THAP9: variants seen among roughly 807,000 people sequenced by gnomAD.
THAP9 encodes the protein DNA transposase THAP9.
In THAP9, 20 loss-of-function variants were observed where a neutral mutation model predicts 35.7. The ratio of observed to expected loss-of-function variants is 0.56; its 90% CI spans 0.39 to 0.81. THAP9 has a LOEUF of 0.81. Among genes scored for constraint, THAP9 ranks in the 40% least tolerant of loss-of-function variants. The pLI is 0.00. For missense variants in THAP9, 870 were observed against 1,047.4 expected, an observed-to-expected ratio of 0.83 and a Z score of 2.34; for synonymous variants, 335 against 373.7, an observed-to-expected ratio of 0.90 and a Z score of 1.19.
At position 82,918,264 on chromosome 4, in the gene THAP9, G is replaced by A; in HGVS notation, c.2052G>A (p.Lys684=). Reference sequence around the variant, plus strand: ...GTCAGTATGGTGTCAGCGTTACAAAGACTGTCTTTCACGAAGAGGGTATTT... The same window carrying A: ...GTCAGTATGGTGTCAGCGTTACAAAAACTGTCTTTCACGAAGAGGGTATTT... ...VQRQYGVSVT[K]TVFHEEGICQ... The change falls in exon 5 of 5, where the codon AAG becomes AAA. Residue 684 remains lysine, a synonymous_variant. Coordinates refer to ENST00000302236, the MANE Select transcript of THAP9 (RefSeq NM_024672.6). 1 of 1,614,178 alleles carries A rather than the reference G, an allele frequency of 6.2e-7. No individual in the cohort carries two copies. The highest frequency in any genetic ancestry group is 8.5e-7 in the Non-Finnish European group (1 of 1,180,002).
chr4:82,915,606 A>G (rs1278931881), intron 4 of THAP9, among the ~76,000 whole-genome samples: 1 of 152,102 alleles, frequency 6.6e-6, no homozygotes, highest in Non-Finnish European at 1.5e-5. Flanking sequence ...TTAGTGGGTC[A>G]TAATTGCCAT....
chr4:82,901,975 G>T lies in THAP9; in HGVS notation c.80+1093G>T, dbSNP rs761890533. Among the ~76,000 whole-genome samples the T allele has an allele frequency of 2.0e-5, 3 of 151,990 alleles. No homozygotes were observed. In the South Asian group the frequency reaches 6.2e-4, roughly 32 times the overall value. Reference sequence around the variant, plus strand: ...TTGTAGAATTTTGTAAAACTAAAACGTAAGACTTTATAGCATATGTAACGC... The same window carrying T: ...TTGTAGAATTTTGTAAAACTAAAACTTAAGACTTTATAGCATATGTAACGC... On this transcript the variant is annotated intron_variant, in intron 1 of 4. Transcript: ENST00000302236.
intron 3 of THAP9, among the ~76,000 whole-genome samples, chr4:82,907,108 A>G (rs535737120): frequency 5.3e-5 from 8 of 152,312 alleles, no homozygotes; most frequent in African/African-American, 1.7e-4. Flanking sequence ...AGAGTAGACT[A>G]TAAACCCATG....
chr4:82,913,203 T>A (rs1720924209), intron 4 of THAP9: 1 of 152,194 alleles, frequency 6.6e-6, no homozygotes, highest in Non-Finnish European at 1.5e-5. Flanking sequence ...ATAAAAACTT[T>A]AAAAAATAAA....
rs1720644404 is a variant in THAP9 at position 82,906,337 on chromosome 4, TA to T, written c.291del (p.His98IlefsTer11). 1 of 1,592,320 alleles carries T rather than the reference TA, an allele frequency of 6.3e-7. No homozygotes were observed. Among genetic ancestry groups the T allele is most frequent in the Admixed American group, 1.8e-5 (1 of 56,222 alleles). On this transcript the variant is annotated frameshift_variant, in exon 3 of 5. Coordinates refer to ENST00000302236, the MANE Select transcript of THAP9 (RefSeq NM_024672.6). LOFTEE classifies it high-confidence loss of function. ...SVSLYKIPQGVHLKGKARQKI... is the reference protein window; with the variant it reads ...SVSLYKIPQGXHLKGKARQKI... ...TATCTGTCATAGATTCCTCAAGGTG[TA>T]CATCTTAAAGGTAAAGCAAGACAAA...
chr4:82,914,064 T>C (rs1247367042), intron 4 of THAP9, among the ~76,000 whole-genome samples: 1 of 152,206 alleles, frequency 6.6e-6, no homozygotes, highest in Non-Finnish European at 1.5e-5. Flanking sequence ...CTCCCACTTA[T>C]AATTGAGAAC....
In THAP9 at chr4:82,917,069, TCAAG is replaced by T. The variant is rs779333217; in HGVS notation, c.861_864del (p.Lys287AsnfsTer37). 22 of 1,613,538 alleles carry T rather than the reference TCAAG, an allele frequency of 1.4e-5. No homozygotes were observed. In the East Asian group the frequency reaches 4.2e-4, roughly 31 times the overall value. ...TCATTGTTAATAAAAAGTATGCCTC[TCAAG>T]CAACAGCTTCAGTGGGATCCTAGCA... On this transcript the variant is annotated frameshift_variant, in exon 5 of 5. Transcript: ENST00000302236. LOFTEE classifies it low-confidence loss of function (END_TRUNC).
chr4:82,917,430 T>C lies in THAP9; in HGVS notation c.1218T>C (p.Ser406=). ...KCTFQHPSSS[S]QQIAYFFDSC... ...CATTTCAGCATCCTTCATCTTCTAG[T>C]CAACAGATTGCATACTTCTTTGACT... The change falls in exon 5 of 5, where the codon AGT becomes AGC. Residue 406 remains serine (S), a synonymous_variant. Coordinates refer to ENST00000302236, the MANE Select transcript of THAP9 (RefSeq NM_024672.6). The C allele has an allele frequency of 1.2e-6, 2 of 1,614,092 alleles. No homozygotes were observed. Among genetic ancestry groups the C allele is most frequent in the Non-Finnish European group, 8.5e-7 (1 of 1,179,996 alleles).
chr4:82,907,783 A>C lies in THAP9; in HGVS notation c.581-2A>C. On this transcript the variant is annotated splice_acceptor_variant, in intron 3 of 4. Transcript: ENST00000302236. LOFTEE classifies it high-confidence loss of function. ...AAAGAATAAAAAAATTTATTTTAAC[A>C]GATTTTAAGTGGGAGTTATATAATT... The C allele has an allele frequency of 1.9e-6, 3 of 1,570,732 alleles. No individual in the cohort carries two copies. Among genetic ancestry groups the C allele is most frequent in the Non-Finnish European group, 2.6e-6 (3 of 1,166,008 alleles).
chr4:82,908,829 C>T (rs1401834890), intron 4 of THAP9, among the ~76,000 whole-genome samples: 1 of 152,076 alleles, frequency 6.6e-6, no homozygotes, highest in Non-Finnish European at 1.5e-5. Flanking sequence ...CCCCTGGCCT[C>T]AAGTGATCTA....
intron 1 of THAP9, 155 bp downstream of exon 1, chr4:82,901,037 G>A (rs1720327866): frequency 1.1e-6 from 1 of 882,714 alleles, no homozygotes; most frequent in African/African-American, 1.7e-5. Context: ...GCGGAATTGG[G>A]GCACTGTGAG....
At chr4:82,916,238 A>C (rs1257141882) in intron 4 of THAP9, among the ~76,000 whole-genome samples, 1 of 152,174 alleles carries the variant, frequency 6.6e-6, no homozygotes, top group Admixed American at 6.5e-5. Flanking sequence ...AACAAGTTAG[A>C]AAGAGTTAAC....
chr4:82,908,036 T>C, intron 4 of THAP9, 101 bp downstream of exon 4: 1 of 1,221,554 alleles, frequency 8.2e-7, no homozygotes, highest in Non-Finnish European at 1.1e-6. Flanking sequence ...CATATTATTC[T>C]TTTGTTGCAT....
At chr4:82,906,838 C>G (rs781094767) in intron 3 of THAP9, among the ~76,000 whole-genome samples, 5 of 152,034 alleles carry the variant, frequency 3.3e-5, no homozygotes, top group Non-Finnish European at 7.4e-5. Flanking sequence ...ATAGGAAAAG[C>G]AAAGAAATAT....
chr4:82,917,717 A>G lies in THAP9; in HGVS notation c.1505A>G (p.Gln502Arg). The G allele has an allele frequency of 6.2e-7, 1 of 1,613,484 alleles. No individual in the cohort carries two copies. The highest frequency in any genetic ancestry group is 8.5e-7 in the Non-Finnish European group (1 of 1,179,738). ...YLLSLDLPPFQNCIGTIHFLR... is the reference protein window; with the variant it reads ...YLLSLDLPPFRNCIGTIHFLR... The stretch of plus-strand genomic sequence containing the variant: ...TTATCCTTAGACCTGCCACCTTTTC[A>G]AAACTGTATTGGTACCATCCATTTT... The change falls in exon 5 of 5, where the codon CAA (glutamine) becomes CGA (arginine). Residue 502 changes from glutamine (Q) to arginine (R), a missense_variant. Physicochemically the swap from Gln to Arg is conservative, Grantham distance 43. Around this residue, in one of 3 missense-constraint regions of THAP9, gnomAD observed 414 missense variants for 500.8 expected, o/e 0.83. Transcript: ENST00000302236.
intron 2 of THAP9, 31 bp downstream of exon 2, chr4:82,904,962 T>A: frequency 6.2e-7 from 1 of 1,601,964 alleles, no homozygotes; most frequent in Non-Finnish European, 8.5e-7. Context: ...GTCAACAAAA[T>A]GAAAATTTAC....
chr4:82,910,803 G>T, intron 4 of THAP9: 1 of 434,242 alleles, frequency 2.3e-6, no homozygotes, highest in South Asian at 1.6e-5. Flanking sequence ...AATGCTGCTG[G>T]GAGATCAGGT....
chr4:82,908,327 A>G (rs542229212), intron 4 of THAP9, among the ~76,000 whole-genome samples: 1 of 152,320 alleles, frequency 6.6e-6, no homozygotes, highest in South Asian at 2.1e-4. Flanking sequence ...ACGATCCTGG[A>G]AAATCTAGAA....
chr4:82,908,075 A>C, intron 4 of THAP9, 140 bp downstream of exon 4: 2 of 826,820 alleles, frequency 2.4e-6, no homozygotes, highest in South Asian at 2.2e-5. Context: ...TAGTACTCAT[A>C]CTCCCATTTA....
Sources: allele counts gnomAD v4.1 joint callset (sites outside exome capture counted in the v4.1 genomes callset), GRCh38; gene constraint gnomAD v4.1.1; regional missense constraint gnomAD v4.1.1; transcripts MANE v1.5; gene names NCBI Gene and HGNC (gene_info 2026-07-23, HGNC 2026-07-21).